CCBE1: variants seen among roughly 807,000 people sequenced by gnomAD.
CCBE1 encodes collagen and calcium-binding EGF domain-containing protein 1.
CCBE1 carries 37 observed loss-of-function variants against 50.0 expected under a neutral mutation model. That is an observed-to-expected ratio of 0.74 (90% CI 0.57 to 0.97). The LOEUF (loss-of-function observed/expected upper bound fraction) is 0.97, where lower values mean the gene tolerates loss of function less well. CCBE1 is among the 50% of genes least tolerant of loss of function. The probability of loss-of-function intolerance (pLI) is 0.00; values close to 1 mark genes in which losing one functional copy is unlikely to be tolerated. For synonymous variants in CCBE1, 234 were observed against 203.7 expected, an observed-to-expected ratio of 1.15 and a Z score of -1.27; for missense variants, 538 against 523.8, an observed-to-expected ratio of 1.03 and a Z score of -0.26.
chr18:59,607,851 G>C (rs187524977), intron 2 of CCBE1, among the ~76,000 whole-genome samples: 40 of 152,318 alleles, frequency 2.6e-4, no homozygotes, highest in African/African-American at 9.6e-4. Context: ...GAGGCAGACG[G>C]ATCACCTGAG....
intron 2 of CCBE1, among the ~76,000 whole-genome samples, chr18:59,537,447 A>G (rs1437155893): frequency 6.6e-6 from 1 of 152,172 alleles, no homozygotes; most frequent in Non-Finnish European, 1.5e-5. Context: ...ATTGTAGTGA[A>G]TAAGTCTCAT....
In CCBE1 at chr18:59,662,654, G is replaced by C. The variant is rs1042249399; in HGVS notation, c.212+33975C>G. Among the ~76,000 whole-genome samples, 2 of 152,228 alleles carry C rather than the reference G, an allele frequency of 1.3e-5. 1 individual carries two copies. The highest frequency in any genetic ancestry group is 4.8e-5 in the African/African-American group (2 of 41,456). ...GAAGGAGGCCATAATCTAACAGCAG[G>C]TTCAGGGAGACCATGAGAGCTAAGC... On this transcript the variant is annotated intron_variant, in intron 2 of 10. Coordinates refer to ENST00000439986, the MANE Select transcript of CCBE1 (RefSeq NM_133459.4).
chr18:59,615,058 T>C (rs1029448806), intron 2 of CCBE1, among the ~76,000 whole-genome samples: 7 of 152,232 alleles, frequency 4.6e-5, no homozygotes, highest in Admixed American at 4.6e-4. Flanking sequence ...TGTCCACTTT[T>C]CTCTCTTCTC....
intron 2 of CCBE1, among the ~76,000 whole-genome samples, chr18:59,482,963 C>T (rs1264572287): frequency 1.3e-5 from 2 of 151,992 alleles, no homozygotes; most frequent in African/African-American, 4.8e-5. Context: ...CATTCTCGCT[C>T]ATTTGTGTTT....
intron 2 of CCBE1, among the ~76,000 whole-genome samples, chr18:59,638,170 C>T (rs918897427): frequency 2.0e-5 from 3 of 152,142 alleles, no homozygotes; most frequent in Admixed American, 2.0e-4. Flanking sequence ...ATCATGTTAT[C>T]TCAAAACATG....
intron 2 of CCBE1, among the ~76,000 whole-genome samples, chr18:59,660,579 C>T (rs1468469980): frequency 6.6e-6 from 1 of 152,158 alleles, no homozygotes; most frequent in Non-Finnish European, 1.5e-5. Flanking sequence ...ACTTGGACCA[C>T]ACTATAAATA....
At chr18:59,553,278 AAC>A (rs1391175845) in intron 2 of CCBE1, among the ~76,000 whole-genome samples, 50 of 152,330 alleles carry the variant, frequency 3.3e-4, no homozygotes, top group African/African-American at 1.2e-3. Flanking sequence ...CAATTGATGC[AAC>A]ACAGTCTCAT....
chr18:59,451,160 CA>C, intron 6 of CCBE1, among the ~76,000 whole-genome samples: 1 of 152,294 alleles, frequency 6.6e-6, no homozygotes, highest in Non-Finnish European at 1.5e-5. Context: ...TCCCAGCCCA[CA>C]GTAGGTGCTC....
At chr18:59,672,712 GAAT>G (rs1192284770) in intron 2 of CCBE1, among the ~76,000 whole-genome samples, 1 of 152,182 alleles carries the variant, frequency 6.6e-6, no homozygotes, top group Admixed American at 6.5e-5. Context: ...GTGAGCAAGA[GAAT>G]AATTTTTTTA....
chr18:59,636,143 A>G (rs1349611502), intron 2 of CCBE1, among the ~76,000 whole-genome samples: 2 of 151,636 alleles, frequency 1.3e-5, no homozygotes, highest in Non-Finnish European at 2.9e-5. Context: ...ACAGAGCGAG[A>G]CTCTGTCTCT....
At chr18:59,687,339 A>G (rs909315823) in intron 2 of CCBE1, among the ~76,000 whole-genome samples, 2 of 152,232 alleles carry the variant, frequency 1.3e-5, no homozygotes, top group Non-Finnish European at 2.9e-5. Flanking sequence ...AAGGTCATGA[A>G]CGTCCACATA....
chr18:59,645,385 A>G (rs887379634), intron 2 of CCBE1, among the ~76,000 whole-genome samples: 1 of 152,258 alleles, frequency 6.6e-6, no homozygotes, highest in Non-Finnish European at 1.5e-5. Context: ...AAAATGTCAC[A>G]CAAACGGCAG....
chr18:59,506,674 C>T (rs1913887826), intron 2 of CCBE1, among the ~76,000 whole-genome samples: 1 of 152,236 alleles, frequency 6.6e-6, no homozygotes, highest in African/African-American at 2.4e-5. Flanking sequence ...TCACTGGCTA[C>T]TCCCAACAGG....
At chr18:59,610,679 C>T (rs2053556484) in intron 2 of CCBE1, among the ~76,000 whole-genome samples, 2 of 152,366 alleles carry the variant, frequency 1.3e-5, no homozygotes, top group South Asian at 4.1e-4. Context: ...AGCATGGGTG[C>T]CTGCAGCTAC....
At chr18:59,647,768 T>C (rs1291785468) in intron 2 of CCBE1, among the ~76,000 whole-genome samples, 1 of 152,236 alleles carries the variant, frequency 6.6e-6, no homozygotes, top group East Asian at 1.9e-4. Context: ...CACATTTCAA[T>C]TGTTTCGATG....
At chr18:59,657,869 C>CAACAACAACA (rs200241703) in intron 2 of CCBE1, among the ~76,000 whole-genome samples, 2 of 151,252 alleles carry the variant, frequency 1.3e-5, no homozygotes, top group Non-Finnish European at 2.9e-5. Flanking sequence ...CCAGCCTGGG[C>CAACAACAACA]AACAACAACA....
intron 2 of CCBE1, among the ~76,000 whole-genome samples, chr18:59,487,202 C>G (rs1005166527): frequency 6.7e-6 from 1 of 150,338 alleles, no homozygotes. Context: ...ACTGGAGAAC[C>G]CAATTTGCAT....
chr18:59,463,338 C>G (rs1187884161), intron 5 of CCBE1, among the ~76,000 whole-genome samples: 1 of 152,190 alleles, frequency 6.6e-6, no homozygotes, highest in Non-Finnish European at 1.5e-5. Flanking sequence ...AGTGATCCTC[C>G]CATCTCAGCC....
At chr18:59,472,862 G>C (rs1323445812) in intron 3 of CCBE1, among the ~76,000 whole-genome samples, 1 of 152,208 alleles carries the variant, frequency 6.6e-6, no homozygotes, top group Non-Finnish European at 1.5e-5. Context: ...ATGGAAGAAG[G>C]CAAATGAGCA....
Sources: allele counts gnomAD v4.1 joint callset (sites outside exome capture counted in the v4.1 genomes callset), GRCh38; gene constraint gnomAD v4.1.1; transcripts MANE v1.5; gene names NCBI Gene and HGNC (gene_info 2026-07-23, HGNC 2026-07-21).